Variants in VWA3B observed in about 807,000 individuals in gnomAD.
VWA3B encodes the protein von Willebrand factor A domain containing 3B, also known as von Willebrand factor A domain-containing protein 3B.
In VWA3B, 138 loss-of-function variants were observed where a neutral mutation model predicts 158.3. The ratio of observed to expected loss-of-function variants is 0.87; its 90% CI spans 0.76 to 1.00. VWA3B has a LOEUF of 1.00. Among genes scored for constraint, VWA3B ranks in the 50% least tolerant of loss-of-function variants. The pLI is 0.00. For synonymous variants in VWA3B, 596 were observed against 587.3 expected (o/e 1.01, Z -0.21); for missense variants, 1,555 against 1,565.1 (o/e 0.99, Z 0.11).
intron 12 of VWA3B, chr2:98,206,980 C>T: frequency 4.1e-6 from 2 of 485,756 alleles, no homozygotes; most frequent in Middle Eastern, 3.8e-4. Context: ...ACATGCTACT[C>T]ATGCCCAGGT....
intron 22 of VWA3B, among the ~76,000 whole-genome samples, chr2:98,282,324 C>A (rs1688926712): frequency 6.6e-6 from 1 of 152,056 alleles, no homozygotes; most frequent in South Asian, 2.1e-4. Context: ...TCATGTAGGC[C>A]ATGGTGAATA....
intron 8 of VWA3B, among the ~76,000 whole-genome samples, chr2:98,180,772 A>G (rs1680504541): frequency 6.6e-6 from 1 of 152,252 alleles, no homozygotes; most frequent in African/African-American, 2.4e-5. Context: ...GGAGGAAGTG[A>G]AATAAAAAGT....
chr2:98,328,516 A>G, the VWA3B span, among the ~76,000 whole-genome samples: 1 of 152,234 alleles, frequency 6.6e-6, no homozygotes, highest in Non-Finnish European at 1.5e-5. Context: ...ATATAAAGTC[A>G]ATATACAAAA....
chr2:98,290,913 G>T, intron 23 of VWA3B: 1 of 308,940 alleles, frequency 3.2e-6, no homozygotes, highest in Non-Finnish European at 6.0e-6. Context: ...TATTTTGAAA[G>T]TACTGGTCTA....
chr2:98,093,356 C>T, intron 2 of VWA3B, 68 bp downstream of exon 2: 1 of 1,526,794 alleles, frequency 6.5e-7, no homozygotes, highest in Non-Finnish European at 9.0e-7. Flanking sequence ...TGCATCAGCT[C>T]TGAAGGCCCC....
chr2:98,097,007 T>C (rs370504400), intron 2 of VWA3B, among the ~76,000 whole-genome samples: 7 of 152,314 alleles, frequency 4.6e-5, no homozygotes, highest in African/African-American at 1.7e-4. Flanking sequence ...CTATAAACTT[T>C]CCTCTTAGAC....
At chr2:98,168,117 A>G (rs1223011749) in intron 8 of VWA3B, among the ~76,000 whole-genome samples, 1 of 152,256 alleles carries the variant, frequency 6.6e-6, no homozygotes, top group Non-Finnish European at 1.5e-5. Context: ...GTCATCCGTG[A>G]TAAGTAGAAA....
chr2:98,118,420 A>C (rs1311202568), intron 3 of VWA3B, among the ~76,000 whole-genome samples: 7 of 152,184 alleles, frequency 4.6e-5, no homozygotes, highest in African/African-American at 1.7e-4. Flanking sequence ...CACATTTTCC[A>C]AGATAAAGTA....
chr2:98,311,760 A>C (rs1346689039), intron 26 of VWA3B, 59 bp from the exon 27 acceptor site: 14 of 1,471,526 alleles, frequency 9.5e-6, no homozygotes, highest in Non-Finnish European at 9.9e-6. Flanking sequence ...TGGCTTGGAC[A>C]TCTCTGTAGA....
chr2:98,154,972 C>G (rs762418826), intron 7 of VWA3B, among the ~76,000 whole-genome samples: 5 of 152,144 alleles, frequency 3.3e-5, no homozygotes, highest in African/African-American at 7.2e-5. Flanking sequence ...TTGGAAGTCT[C>G]GACCAGGTGT....
At chr2:98,128,211 A>G (rs781346736) in intron 5 of VWA3B, 28 bp from the exon 6 acceptor site, 7 of 1,611,698 alleles carry the variant, frequency 4.3e-6, no homozygotes, top group Non-Finnish European at 5.9e-6. Context: ...TGTGAGGGAG[A>G]TAAACCGTTG....
rs1252451916 is a variant in VWA3B, at chr2:98,217,918, A to G, written c.1909A>G (p.Asn637Asp). ...TATTTATACCATCTCCTTCAATTAC[A>G]ATGATGAGATTGCAAACAGGTTTTT... is the stretch of plus-strand genomic sequence containing the variant. ...IPIYTISFNY[N>D]DEIANRFLKE... The change falls in exon 14 of 28, where the codon AAT becomes GAT. Residue 637 changes from asparagine to aspartate, a missense_variant. Asn to Asp is a conservative substitution (Grantham distance 23). Transcript: ENST00000477737. 1.2e-6 allele frequency: 2 copies of G among 1,613,386 alleles called. No homozygotes were observed. Among genetic ancestry groups the G allele is most frequent in the South Asian group, 2.2e-5 (2 of 91,038 alleles).
At position 98,234,644 on chromosome 2, in the gene VWA3B, A is replaced by G. The variant is rs749759016; in HGVS notation, c.2309-4A>G. On this transcript the variant is annotated splice_region_variant and splice_polypyrimidine_tract_variant and intron_variant, in intron 16 of 27. Coordinates refer to ENST00000477737, the MANE Select transcript of VWA3B (RefSeq NM_144992.5). ...TTTAACTCTTCCCTCTGTGATACCA[A>G]CAGAATCAACCAAAACCAGCCTGCT... 19 of 1,614,032 alleles carry G rather than the reference A, an allele frequency of 1.2e-5. 1 individual carries two copies. The Middle Eastern group carries it at 4.9e-4, about 42-fold the overall frequency.
At position 98,254,620 on chromosome 2, in the gene VWA3B, T is replaced by G. The variant is rs78612043; in HGVS notation, c.2793-1504T>G. Among the ~76,000 whole-genome samples the G allele has an allele frequency of 6.2e-4, 95 of 152,308 alleles. 1 individual carries two copies. Among genetic ancestry groups the G allele is most frequent in the African/African-American group, 2.1e-3 (87 of 41,546 alleles). On this transcript the variant is annotated intron_variant, in intron 20 of 27. Transcript: ENST00000477737. ...TCTTTTTCTATCACTTAGAGCACATTTACCTGGATCAGACACAATTTATGT... is the reference window on the plus strand; with the variant it reads ...TCTTTTTCTATCACTTAGAGCACATGTACCTGGATCAGACACAATTTATGT...
At chr2:98,196,203 C>T (rs776843239) in intron 12 of VWA3B, among the ~76,000 whole-genome samples, 1 of 152,022 alleles carries the variant, frequency 6.6e-6, no homozygotes, top group East Asian at 1.9e-4. Flanking sequence ...CTCTATTGTA[C>T]AACATGGTAA....
intron 8 of VWA3B, among the ~76,000 whole-genome samples, chr2:98,168,406 CACAA>C (rs1268482319): frequency 6.6e-6 from 1 of 151,444 alleles, no homozygotes; most frequent in Non-Finnish European, 1.5e-5. Flanking sequence ...CACACACACA[CACAA>C]ACTAAAACCC....
At chr2:98,139,125 C>T (rs1676520733) in intron 7 of VWA3B, among the ~76,000 whole-genome samples, 1 of 152,224 alleles carries the variant, frequency 6.6e-6, no homozygotes, top group Non-Finnish European at 1.5e-5. Flanking sequence ...CGGCCCCAGG[C>T]AATGAGGGGC....
intron 19 of VWA3B, among the ~76,000 whole-genome samples, chr2:98,248,211 T>C (rs887784074): frequency 6.6e-6 from 1 of 152,210 alleles, no homozygotes; most frequent in Non-Finnish European, 1.5e-5. Flanking sequence ...TAAACAATTT[T>C]AATCATAATT....
At chr2:98,198,548 T>TAAAAA (rs57194776) in intron 12 of VWA3B, among the ~76,000 whole-genome samples, 1 of 149,930 alleles carries the variant, frequency 6.7e-6, no homozygotes, top group African/African-American at 2.5e-5. Context: ...TTGCATGCAG[T>TAAAAA]AAAAAAAAAA....
Sources: allele counts gnomAD v4.1 joint callset (sites outside exome capture counted in the v4.1 genomes callset), GRCh38; gene constraint gnomAD v4.1.1; transcripts MANE v1.5; gene names NCBI Gene and HGNC (gene_info 2026-07-23, HGNC 2026-07-21).